Variants in MCTP1 observed in about 807,000 individuals in gnomAD.
The protein encoded by MCTP1 is multiple C2 and transmembrane domain-containing protein 1.
Under a neutral mutation model 120.6 loss-of-function variants are expected in MCTP1, and 69 were observed. The observed-to-expected ratio is 0.57, with a 90% CI of 0.47 to 0.70. The LOEUF (loss-of-function observed/expected upper bound fraction) is 0.70, where lower values mean the gene tolerates loss of function less well. MCTP1 is among the 30% of genes least tolerant of loss of function. MCTP1 has a pLI of 0.00. For missense variants in MCTP1, 1,203 were observed against 1,248.8 expected, an observed-to-expected ratio of 0.96 and a Z score of 0.55; for synonymous variants, 529 against 493.1, an observed-to-expected ratio of 1.07 and a Z score of -0.96.
intron 2 of MCTP1, among the ~76,000 whole-genome samples, chr5:95,014,376 G>A (rs963469831): frequency 6.6e-6 from 1 of 152,108 alleles, no homozygotes; most frequent in African/African-American, 2.4e-5. Flanking sequence ...GGGTTTGAGG[G>A]GTTCAAGACT....
chr5:95,020,878 C>T (rs568293610), intron 1 of MCTP1, among the ~76,000 whole-genome samples: 5 of 152,136 alleles, frequency 3.3e-5, no homozygotes, highest in African/African-American at 1.2e-4. Flanking sequence ...TTCCCATATA[C>T]AGTTGGATCT....
intron 18 of MCTP1, among the ~76,000 whole-genome samples, chr5:94,786,818 A>G (rs1007177570): frequency 8.5e-5 from 13 of 152,190 alleles, no homozygotes; most frequent in Non-Finnish European, 1.9e-4. Context: ...CATAAAGATA[A>G]TTCTCCATTT....
At chr5:94,898,251 A>G (rs1406151345) in intron 10 of MCTP1, among the ~76,000 whole-genome samples, 1 of 152,202 alleles carries the variant, frequency 6.6e-6, no homozygotes, top group East Asian at 1.9e-4. Context: ...AATGACTTCA[A>G]GGTTCTTTGT....
intron 1 of MCTP1, among the ~76,000 whole-genome samples, chr5:95,031,695 A>G (rs986683423): frequency 6.6e-6 from 1 of 152,160 alleles, no homozygotes; most frequent in Non-Finnish European, 1.5e-5. Flanking sequence ...AGTTAAGTAC[A>G]AGGCTCGGCT....
chr5:95,257,983 A>G (rs1247360191), intron 1 of MCTP1, among the ~76,000 whole-genome samples: 3 of 152,234 alleles, frequency 2.0e-5, no homozygotes. Context: ...TGATATAAAT[A>G]TATGATTGAA....
At chr5:94,844,945 C>A (rs2153216682) in intron 17 of MCTP1, among the ~76,000 whole-genome samples, 1 of 152,100 alleles carries the variant, frequency 6.6e-6, no homozygotes, top group South Asian at 2.1e-4. Context: ...TTAGAATAAC[C>A]TGAGGGCACA....
chr5:95,024,044 A>G (rs549366231), intron 1 of MCTP1: 91 of 442,718 alleles, frequency 2.1e-4, no homozygotes, highest in African/African-American at 1.7e-3. Flanking sequence ...GTCCTAATCT[A>G]CGGATGGTCT....
intron 1 of MCTP1, among the ~76,000 whole-genome samples, chr5:95,092,691 A>G (rs1755939214): frequency 6.6e-6 from 1 of 152,100 alleles, no homozygotes; most frequent in Non-Finnish European, 1.5e-5. Context: ...AAAGAAAAAG[A>G]AAAAAAGAAA....
intron 17 of MCTP1, among the ~76,000 whole-genome samples, chr5:94,820,896 C>T (rs1337048595): frequency 6.6e-6 from 1 of 152,132 alleles, no homozygotes; most frequent in Admixed American, 6.5e-5. Flanking sequence ...GTTATTGTGT[C>T]CCTGTGCCTA....
At chr5:95,227,152 C>T (rs1754374624) in intron 1 of MCTP1, among the ~76,000 whole-genome samples, 1 of 152,134 alleles carries the variant, frequency 6.6e-6, no homozygotes, top group South Asian at 2.1e-4. Context: ...TTAAATCCTG[C>T]TACAACTGGT....
intron 1 of MCTP1, among the ~76,000 whole-genome samples, chr5:95,075,996 C>A (rs1035021423): frequency 1.3e-5 from 2 of 152,142 alleles, no homozygotes; most frequent in Admixed American, 6.5e-5. Flanking sequence ...ACAGTAGTCC[C>A]CTTGTCCTCA....
chr5:95,131,422 C>T (rs1759037179), intron 1 of MCTP1, among the ~76,000 whole-genome samples: 1 of 152,124 alleles, frequency 6.6e-6, no homozygotes, highest in South Asian at 2.1e-4. Context: ...GAGGACTTTT[C>T]CCTTACTCAC....
At chr5:94,718,234 C>T (rs1580289815) in intron 19 of MCTP1, among the ~76,000 whole-genome samples, 1 of 152,126 alleles carries the variant, frequency 6.6e-6, no homozygotes, top group Admixed American at 6.6e-5. Flanking sequence ...TGATCTTTGA[C>T]AAACTTGACA....
chr5:95,268,684 A>G (rs1012118916), intron 1 of MCTP1, among the ~76,000 whole-genome samples: 1 of 152,208 alleles, frequency 6.6e-6, no homozygotes, highest in Non-Finnish European at 1.5e-5. Flanking sequence ...ATCTGTGGGC[A>G]CATGACTGCT....
chr5:94,931,789 C>T, intron 6 of MCTP1, 164 bp downstream of exon 6: 1 of 637,654 alleles, frequency 1.6e-6, no homozygotes, highest in Non-Finnish European at 2.8e-6. Flanking sequence ...GGTGTGATTT[C>T]TATTTAAAAA....
intron 1 of MCTP1, among the ~76,000 whole-genome samples, chr5:95,181,189 C>A (rs1748554025): frequency 6.6e-6 from 1 of 152,212 alleles, no homozygotes; most frequent in South Asian, 2.1e-4. Flanking sequence ...TTAAAACTGT[C>A]TGGCAGCTTC....
intron 1 of MCTP1, among the ~76,000 whole-genome samples, chr5:95,092,977 G>A (rs1755959544): frequency 6.6e-6 from 1 of 152,150 alleles, no homozygotes; most frequent in African/African-American, 2.4e-5. Flanking sequence ...GGAGCTGAAA[G>A]TAAAGAAGCA....
At chr5:95,119,225 C>A (rs1015034047) in intron 1 of MCTP1, among the ~76,000 whole-genome samples, 2 of 152,066 alleles carry the variant, frequency 1.3e-5, no homozygotes, top group Non-Finnish European at 2.9e-5. Flanking sequence ...AAATCAATAA[C>A]CAGAGGGATT....
intron 2 of MCTP1, among the ~76,000 whole-genome samples, chr5:94,990,166 G>A (rs551561079): frequency 6.6e-6 from 1 of 152,258 alleles, no homozygotes; most frequent in Non-Finnish European, 1.5e-5. Context: ...ATGTGGAGCT[G>A]AGCCCTCCAC....
Sources: allele counts gnomAD v4.1 joint callset (sites outside exome capture counted in the v4.1 genomes callset), GRCh38; gene constraint gnomAD v4.1.1; transcripts MANE v1.5; gene names NCBI Gene and HGNC (gene_info 2026-07-23, HGNC 2026-07-21).